Variants in BCAR3 observed in about 807,000 individuals in gnomAD.
BCAR3 encodes the protein BCAR3 adaptor protein, NSP family member, also known as breast cancer anti-estrogen resistance protein 3.
Under a neutral mutation model 80.1 loss-of-function variants are expected in BCAR3, and 37 were observed. The ratio of observed to expected loss-of-function variants is 0.46; its 90% CI spans 0.36 to 0.61. BCAR3 has a LOEUF of 0.61. Ranked by LOEUF, BCAR3 falls within the 20% of genes least tolerant of loss-of-function variation. The pLI is 0.00. For synonymous variants in BCAR3, 389 were observed against 418.9 expected, an observed-to-expected ratio of 0.93 and a Z score of 0.87; for missense variants, 978 against 1,068.2, an observed-to-expected ratio of 0.92 and a Z score of 1.18.
intron 3 of BCAR3, among the ~76,000 whole-genome samples, chr1:93,703,577 A>G (rs1386706573): frequency 1.3e-5 from 2 of 152,060 alleles, no homozygotes; most frequent in Non-Finnish European, 2.9e-5. Flanking sequence ...AAAAAGAAAA[A>G]AAAAAAAAAG....
intron 2 of BCAR3, among the ~76,000 whole-genome samples, chr1:93,756,582 TG>T (rs1332443193): frequency 1.3e-5 from 2 of 152,382 alleles, no homozygotes; most frequent in Non-Finnish European, 1.5e-5. Flanking sequence ...AGTCAGTATA[TG>T]TGCTAATTTT....
At chr1:93,657,424 CA>C (rs869139959) in intron 2 of BCAR3, among the ~76,000 whole-genome samples, 6 of 151,738 alleles carry the variant, frequency 4.0e-5, no homozygotes, top group Non-Finnish European at 7.4e-5. Flanking sequence ...CTTCCAGAGA[CA>C]AAAAAGAGGG....
chr1:93,730,395 A>G (rs1233885721), intron 2 of BCAR3, among the ~76,000 whole-genome samples: 2 of 152,138 alleles, frequency 1.3e-5, no homozygotes, highest in Non-Finnish European at 2.9e-5. Flanking sequence ...GGTTAACTGC[A>G]TGGCATTCCA....
chr1:93,689,203 G>C (rs1184824497), intron 3 of BCAR3, among the ~76,000 whole-genome samples: 1 of 151,954 alleles, frequency 6.6e-6, no homozygotes, highest in Non-Finnish European at 1.5e-5. Flanking sequence ...AAAAGTGCTG[G>C]GGGCTGGGCG....
chr1:93,677,953 G>A (rs993031575), intron 1 of BCAR3, among the ~76,000 whole-genome samples: 2 of 152,172 alleles, frequency 1.3e-5, no homozygotes, highest in African/African-American at 4.8e-5. Context: ...TAAACTGTCA[G>A]GAATCATACA....
At chr1:93,597,280 C>G (rs1674454694) in intron 3 of BCAR3, among the ~76,000 whole-genome samples, 1 of 152,202 alleles carries the variant, frequency 6.6e-6, no homozygotes, top group Non-Finnish European at 1.5e-5. Flanking sequence ...AAGTGACAAA[C>G]AGGGCAAATG....
chr1:93,628,119 C>T (rs950635354), intron 3 of BCAR3, among the ~76,000 whole-genome samples: 7 of 152,138 alleles, frequency 4.6e-5, no homozygotes, highest in African/African-American at 7.2e-5. Flanking sequence ...CTTACACTAA[C>T]GCACACCAAG....
chr1:93,578,480 C>G (rs778352884), intron 7 of BCAR3, among the ~76,000 whole-genome samples: 1 of 152,206 alleles, frequency 6.6e-6, no homozygotes, highest in Non-Finnish European at 1.5e-5. Context: ...AAACCAACCC[C>G]TCTCTCCATG....
intron 2 of BCAR3, among the ~76,000 whole-genome samples, chr1:93,837,240 A>AT (rs1654804125): frequency 1.3e-5 from 2 of 152,180 alleles, no homozygotes; most frequent in Admixed American, 6.5e-5. Flanking sequence ...ATAAAAATAA[A>AT]AAAATAAATA....
chr1:93,623,199 T>C (rs755485253), intron 3 of BCAR3, among the ~76,000 whole-genome samples: 36 of 152,324 alleles, frequency 2.4e-4, no homozygotes, highest in African/African-American at 7.5e-4. Flanking sequence ...TTCTTTTTTT[T>C]CGCAAAACTT....
chr1:93,631,671 G>A (rs1244114811), intron 3 of BCAR3, among the ~76,000 whole-genome samples: 1 of 152,126 alleles, frequency 6.6e-6, no homozygotes, highest in Non-Finnish European at 1.5e-5. Flanking sequence ...CCTACAGTTC[G>A]GGATCTCAGA....
At chr1:93,701,648 T>G (rs761651810) in intron 3 of BCAR3, among the ~76,000 whole-genome samples, 2 of 152,172 alleles carry the variant, frequency 1.3e-5, no homozygotes, top group Admixed American at 6.5e-5. Context: ...CACAGGGGCC[T>G]GTTTTATGTG....
intron 1 of BCAR3, among the ~76,000 whole-genome samples, chr1:93,846,325 C>A (rs1655177744): frequency 6.6e-6 from 1 of 152,184 alleles, no homozygotes; most frequent in Admixed American, 6.5e-5. Flanking sequence ...CGGGCTGTGG[C>A]CGAGCCGAGA....
At chr1:93,784,307 C>T (rs1289434530) in intron 2 of BCAR3, among the ~76,000 whole-genome samples, 2 of 151,666 alleles carry the variant, frequency 1.3e-5, no homozygotes, top group Non-Finnish European at 2.9e-5. Flanking sequence ...AGGGAATAAA[C>T]CTAAAATTTA....
intron 2 of BCAR3, among the ~76,000 whole-genome samples, chr1:93,774,468 A>G (rs1444554945): frequency 1.4e-5 from 2 of 146,392 alleles, no homozygotes; most frequent in Non-Finnish European, 3.0e-5. Flanking sequence ...TGATCAACAG[A>G]GCGAGATTCT....
rs532599578 is a variant in BCAR3 at position 93,562,169 on chromosome 1, A to G, written c.*72T>C. 6.7e-6 allele frequency: 10 copies of G among 1,484,978 alleles called. No individual in the cohort carries two copies. The East Asian group carries it at 2.3e-4, about 34-fold the overall frequency. The allele number at this position is 1,484,978 out of a possible 1,614,324, so 92.0% of individuals were successfully genotyped here. On this transcript the variant is annotated 3_prime_UTR_variant, in exon 12 of 12. Coordinates refer to ENST00000260502, the MANE Select transcript of BCAR3 (RefSeq NM_003567.4). ...GATTTGCACATTATTACTTTATCAA[A>G]AACAGTAAGCTTTCCCAAAGATGAA...
intron 2 of BCAR3, among the ~76,000 whole-genome samples, chr1:93,749,514 A>G (rs12130369): frequency 0.12 from 17,653 of 150,854 alleles, 1,448 homozygotes; most frequent in African/African-American, 0.22. Context: ...GCATGAACCC[A>G]GGAGGTGGGG....
At chr1:93,620,861 T>C (rs1388482192) in intron 3 of BCAR3, among the ~76,000 whole-genome samples, 1 of 152,212 alleles carries the variant, frequency 6.6e-6, no homozygotes, top group Non-Finnish European at 1.5e-5. Flanking sequence ...CTCTCTAGAC[T>C]TTCTCTCTGT....
intron 3 of BCAR3, among the ~76,000 whole-genome samples, chr1:93,697,033 T>C (rs72965421): frequency 1.3e-5 from 2 of 152,332 alleles, no homozygotes; most frequent in African/African-American, 4.8e-5. Context: ...AAGCCAGCCC[T>C]CCTCTCCTCC....
Sources: allele counts gnomAD v4.1 joint callset (sites outside exome capture counted in the v4.1 genomes callset), GRCh38; gene constraint gnomAD v4.1.1; transcripts MANE v1.5; gene names NCBI Gene and HGNC (gene_info 2026-07-23, HGNC 2026-07-21).